Variants in SDK2 observed in about 807,000 individuals in gnomAD.
SDK2 encodes protein sidekick-2.
A neutral mutation model predicts 253.9 loss-of-function variants in SDK2; 105 were observed. The ratio of observed to expected loss-of-function variants is 0.41; its 90% CI spans 0.35 to 0.49. The LOEUF is 0.49. Ranked by LOEUF, SDK2 falls within the 20% of genes least tolerant of loss-of-function variation. The pLI is 0.06. For missense variants in SDK2, 2,608 were observed against 3,003.0 expected (o/e 0.87, Z 3.07); for synonymous variants, 1,249 against 1,234.9 (o/e 1.01, Z -0.24).
At chr17:73,429,207 C>T (rs144569722) in intron 12 of SDK2, among the ~76,000 whole-genome samples, 19 of 152,138 alleles carry the variant, frequency 1.2e-4, no homozygotes, top group South Asian at 2.1e-4. Flanking sequence ...TGAATGGGCC[C>T]GAGATACACA....
At chr17:73,386,369 C>A (rs1428222791) in intron 31 of SDK2, 76 bp downstream of exon 31, 2 of 1,054,772 alleles carry the variant, frequency 1.9e-6, no homozygotes, top group Admixed American at 4.0e-5. Flanking sequence ...AGGCCCCTCC[C>A]CCCGTAAGAA....
At chr17:73,408,520 CG>C (rs1441911365) in intron 18 of SDK2, among the ~76,000 whole-genome samples, 1 of 151,988 alleles carries the variant, frequency 6.6e-6, no homozygotes, top group Non-Finnish European at 1.5e-5. Context: ...CATCACACCC[CG>C]AAGTAAAATA....
intron 1 of SDK2, among the ~76,000 whole-genome samples, chr17:73,598,511 C>T (rs1210851368): frequency 1.3e-5 from 2 of 152,186 alleles, no homozygotes; most frequent in Admixed American, 6.5e-5. Context: ...CCCCTCTGCC[C>T]GGCTCTCGTT....
intron 1 of SDK2, among the ~76,000 whole-genome samples, chr17:73,593,626 G>A (rs1368920975): frequency 6.6e-6 from 1 of 152,080 alleles, no homozygotes; most frequent in Non-Finnish European, 1.5e-5. Context: ...TCTCTGCAGT[G>A]CCCCCCCAAA....
At chr17:73,504,237 AGTGTGTGTGTGTGTGT>A (rs34971621) in intron 2 of SDK2, 45 of 103,338 alleles carry the variant, frequency 4.4e-4, no homozygotes, top group Admixed American at 4.3e-3. Context: ...AGAGAGAGAA[AGTGTGTGTGTGTGTGT>A]GTGTGTGTGT....
intron 1 of SDK2, among the ~76,000 whole-genome samples, chr17:73,635,620 T>C: frequency 6.6e-6 from 1 of 152,194 alleles, no homozygotes; most frequent in Non-Finnish European, 1.5e-5. Flanking sequence ...AAATAATATT[T>C]CCTTCCGTTA....
chr17:73,387,223 G>T (rs2062879829), intron 30 of SDK2, among the ~76,000 whole-genome samples: 1 of 152,238 alleles, frequency 6.6e-6, no homozygotes, highest in African/African-American at 2.4e-5. Context: ...GCCTCCCAAA[G>T]TGCTGGGATT....
At position 73,348,717 on chromosome 17, in the gene SDK2, G is replaced by A. The variant is rs756827895; in HGVS notation, c.6047C>T (p.Pro2016Leu). The A allele has an allele frequency of 1.9e-6, 3 of 1,606,826 alleles. No homozygotes were observed. Among genetic ancestry groups the A allele is most frequent in the South Asian group, 1.1e-5 (1 of 90,952 alleles). ...RKNGLYTRSP[P>L]RPSPGSLHYS... ...GTGCAGGCTGCCTGGGCTGGGCCTG[G>A]GGGGAGACCTGGAGAGAGCGGGGGA... The change falls in exon 44 of 45, where the codon CCC (proline) becomes CTC (leucine). Residue 2016 changes from proline (P) to leucine (L), a missense_variant. Physicochemically the swap from Pro to Leu is moderately conservative, Grantham distance 98 (BLOSUM62 -3). Coordinates refer to ENST00000392650, the MANE Select transcript of SDK2 (RefSeq NM_001144952.2).
chr17:73,366,482 C>T lies in SDK2; in HGVS notation c.5168-1087G>A, dbSNP rs554904400. On this transcript the variant is annotated intron_variant, in intron 37 of 44. Transcript: ENST00000392650. ...GAGGGTCATAATGAGGAACTGATGC[C>T]ACAGGTGTGCCCTCTGCAGCTCTTT... 2.6e-5 allele frequency among the ~76,000 whole-genome samples: 4 copies of T among 152,270 alleles called. No individual in the cohort carries two copies. The South Asian group carries it at 8.3e-4, about 32-fold the overall frequency.
At chr17:73,615,030 T>A (rs1302180290) in intron 1 of SDK2, among the ~76,000 whole-genome samples, 1 of 152,080 alleles carries the variant, frequency 6.6e-6, no homozygotes, top group Non-Finnish European at 1.5e-5. Context: ...AAACTGATGT[T>A]TGAATCGTGC....
chr17:73,360,514 G>C (rs1451225381), intron 39 of SDK2, among the ~76,000 whole-genome samples: 1 of 151,752 alleles, frequency 6.6e-6, no homozygotes, highest in Admixed American at 6.6e-5. Flanking sequence ...CAGCAGAGTG[G>C]TCTGGGAGGT....
At chr17:73,495,032 C>T (rs1408056814) in intron 2 of SDK2, among the ~76,000 whole-genome samples, 1 of 152,228 alleles carries the variant, frequency 6.6e-6, no homozygotes, top group African/African-American at 2.4e-5. Flanking sequence ...GTTGTACCTG[C>T]CCCGGGCTGA....
At chr17:73,568,916 A>G (rs1466429886) in intron 1 of SDK2, among the ~76,000 whole-genome samples, 1 of 152,224 alleles carries the variant, frequency 6.6e-6, no homozygotes, top group African/African-American at 2.4e-5. Context: ...CAATATTGCC[A>G]TCGTCTCCCT....
In SDK2 at chr17:73,379,342, G is replaced by T; in HGVS notation, c.4865-50C>A. On this transcript the variant is annotated intron_variant, in intron 35 of 44. Coordinates refer to ENST00000392650, the MANE Select transcript of SDK2 (RefSeq NM_001144952.2). This position sits in a 1 kb window ranked among gnomAD's most constrained non-coding sequence, Gnocchi z 4.5. The stretch of plus-strand genomic sequence containing the variant: ...TGAGCATGCGAGTAAACCTGGGAGG[G>T]GAGGTGGGCTGGGCGGGATGGGGAG... The T allele has an allele frequency of 6.7e-7, 1 of 1,487,132 alleles. No individual in the cohort carries two copies. Among genetic ancestry groups the T allele is most frequent in the Non-Finnish European group, 9.2e-7 (1 of 1,087,356 alleles). The allele number at this position is 1,487,132 out of a possible 1,614,324, so 92.1% of individuals were successfully genotyped here. A position where few individuals can be genotyped will look rare whatever the true frequency, so the allele number is the denominator to read the frequency against.
chr17:73,603,524 A>C (rs1374168087), intron 1 of SDK2, among the ~76,000 whole-genome samples: 1 of 152,166 alleles, frequency 6.6e-6, no homozygotes, highest in Non-Finnish European at 1.5e-5. Flanking sequence ...CTAGGATGCT[A>C]CACCAGGCAG....
intron 21 of SDK2, among the ~76,000 whole-genome samples, chr17:73,399,751 G>T (rs998355839): frequency 1.3e-5 from 2 of 152,224 alleles, no homozygotes; most frequent in Admixed American, 6.5e-5. Flanking sequence ...GGTGGGGACA[G>T]GGGGAAGCTT....
chr17:73,338,273 C>G lies in SDK2; in HGVS notation c.*314G>C, dbSNP rs761605601. 2.0e-6 allele frequency: 1 copy of G among 511,376 alleles called. No individual in the cohort carries two copies. The highest frequency in any genetic ancestry group is 4.9e-5 in the East Asian group (1 of 20,416). The allele number at this position is 511,376 out of a possible 1,614,324, so 31.7% of individuals were successfully genotyped here. A position where few individuals can be genotyped will look rare whatever the true frequency, so the allele number is the denominator to read the frequency against. ...AGTCCTTAGCCTCCGCTCCCTCTCT[C>G]TCTCCAGATGCCCGCCCCACTCCGT... On this transcript the variant is annotated 3_prime_UTR_variant, in exon 45 of 45. Transcript: ENST00000392650. This position sits in a 1 kb window ranked among gnomAD's most constrained non-coding sequence, Gnocchi z 5.0.
chr17:73,450,286 T>A (rs533868958), intron 4 of SDK2, among the ~76,000 whole-genome samples: 111 of 152,312 alleles, frequency 7.3e-4, no homozygotes, highest in Non-Finnish European at 1.3e-3. Context: ...GAAGCAGGTA[T>A]TCTGTGAGAT....
intron 40 of SDK2, among the ~76,000 whole-genome samples, chr17:73,355,184 T>TTTTTTTTTTTTTTC (rs1568363079): frequency 3.6e-4 from 16 of 44,760 alleles, no homozygotes; most frequent in African/African-American, 3.0e-3. Flanking sequence ...ATTTTTTTTT[T>TTTTTTTTTTTTTTC]TTTTTTTTTT....
Sources: gnomAD v4.1 joint callset for allele counts (sites outside exome capture counted in the v4.1 genomes callset) on GRCh38, gnomAD v4.1.1 for gene constraint, Gnocchi (gnomAD v3.1) non-coding constraint, MANE v1.5 for transcripts, NCBI Gene and HGNC (gene_info 2026-07-23, HGNC 2026-07-21) for gene names.